MAP3K3: variants seen among roughly 807,000 people sequenced by gnomAD.
MAP3K3 encodes MAP/ERK kinase kinase 3.
In MAP3K3, 12 loss-of-function variants were observed where a neutral mutation model predicts 80.9. That is an observed-to-expected ratio of 0.15 (90% CI 0.10 to 0.24). The LOEUF (loss-of-function observed/expected upper bound fraction) is 0.24. MAP3K3 is among the 10% of genes least tolerant of loss of function. MAP3K3 has a pLI of 1.00. For synonymous variants in MAP3K3, 272 were observed against 307.1 expected, an observed-to-expected ratio of 0.89 and a Z score of 1.19; for missense variants, 596 against 834.7, an observed-to-expected ratio of 0.71 and a Z score of 3.52.
chr17:63,644,880 C>A (rs548173754), intron 2 of MAP3K3, among the ~76,000 whole-genome samples: 3 of 152,212 alleles, frequency 2.0e-5, no homozygotes, highest in African/African-American at 7.2e-5. Flanking sequence ...TGACTTCATT[C>A]TCTCCTTTAT....
intron 6 of MAP3K3, among the ~76,000 whole-genome samples, chr17:63,678,320 C>G (rs2035261374): frequency 6.6e-6 from 1 of 152,188 alleles, no homozygotes; most frequent in African/African-American, 2.4e-5. Context: ...TAAATTTACA[C>G]TCAGAGTAAC....
At chr17:63,678,796 G>A (rs2035272051) in intron 6 of MAP3K3, among the ~76,000 whole-genome samples, 1 of 151,400 alleles carries the variant, frequency 6.6e-6, no homozygotes, top group Admixed American at 6.6e-5. Flanking sequence ...TTGGGAGGCT[G>A]AGACAGGCAG....
intron 5 of MAP3K3, among the ~76,000 whole-genome samples, chr17:63,662,577 GA>G (rs1213760742): frequency 6.6e-6 from 1 of 151,880 alleles, no homozygotes; most frequent in Non-Finnish European, 1.5e-5. Context: ...AGTGTGTAGT[GA>G]CAGAGCTGGT....
intron 5 of MAP3K3, among the ~76,000 whole-genome samples, chr17:63,664,519 C>T (rs894928853): frequency 6.6e-6 from 1 of 152,128 alleles, no homozygotes; most frequent in African/African-American, 2.4e-5. Flanking sequence ...ATCCACTTGC[C>T]AGATTTTTTA....
intron 5 of MAP3K3, among the ~76,000 whole-genome samples, chr17:63,665,911 C>A (rs1016276538): frequency 6.6e-6 from 1 of 152,114 alleles, no homozygotes; most frequent in Admixed American, 6.6e-5. Flanking sequence ...TTGTTTAGAT[C>A]GGACTTTTTT....
At chr17:63,688,498 A>G (rs376817593) in intron 8 of MAP3K3, 29 bp from the exon 9 acceptor site, 2 of 1,582,536 alleles carry the variant, frequency 1.3e-6, no homozygotes, top group African/African-American at 2.7e-5. Flanking sequence ...AGTGTGCGGG[A>G]GTCTGTTTTT....
rs2143614018 is a variant in MAP3K3, at chr17:63,688,962, A to C, written c.871+81A>C. The C allele has an allele frequency of 3.1e-6, 3 of 980,128 alleles. No homozygotes were observed. The East Asian group carries it at 7.2e-5, about 23-fold the overall frequency. The allele number at this position is 980,128 out of a possible 1,614,324, so 60.7% of individuals were successfully genotyped here. A position where few individuals can be genotyped will look rare whatever the true frequency, so the allele number is the denominator to read the frequency against. On this transcript the variant is annotated intron_variant, in intron 10 of 15. Coordinates refer to ENST00000361733, the MANE Select transcript of MAP3K3 (RefSeq NM_002401.5). ...ATGGGGAGGGTGGGTTCGTCCATGC[A>C]GTGCCTGTATTTTCCTTCATTCCTG... is the stretch of plus-strand genomic sequence containing the variant.
In MAP3K3 at chr17:63,692,159, G is replaced by C; in HGVS notation, c.1475-83G>C. On this transcript the variant is annotated intron_variant, in intron 14 of 15. Transcript: ENST00000361733. This position sits in a 1 kb window ranked among gnomAD's most constrained non-coding sequence, Gnocchi z 4.5. ...AGTGGTAGCCCTGCCCTCTCCAGCA[G>C]CTCTCAGTGACCCGGGGGTGGGGAG... is the stretch of plus-strand genomic sequence containing the variant. The C allele has an allele frequency of 6.6e-7, 1 of 1,507,560 alleles. No homozygotes were observed. The highest frequency in any genetic ancestry group is 1.1e-5 in the South Asian group (1 of 88,220). The allele number at this position is 1,507,560 out of a possible 1,614,324, so 93.4% of individuals were successfully genotyped here. A position where few individuals can be genotyped will look rare whatever the true frequency, so the allele number is the denominator to read the frequency against.
chr17:63,641,397 C>T lies in MAP3K3; in HGVS notation c.127-4637C>T, dbSNP rs1447208922. Among the ~76,000 whole-genome samples the T allele has an allele frequency of 3.9e-5, 6 of 152,008 alleles. 1 individual carries two copies. In the East Asian group the frequency reaches 9.6e-4, roughly 24 times the overall value. On this transcript the variant is annotated intron_variant, in intron 2 of 15. Coordinates refer to ENST00000361733, the MANE Select transcript of MAP3K3 (RefSeq NM_002401.5). ...AGCTGGGATTACAGGTGCCCGCCAC[C>T]ACACCCGGCTAATTTTTGTATGTTT...
chr17:63,637,623 C>T (rs1244207177), intron 2 of MAP3K3, among the ~76,000 whole-genome samples: 4 of 152,164 alleles, frequency 2.6e-5, no homozygotes. Flanking sequence ...GGGAAAGCTT[C>T]TAACTACAAC....
chr17:63,624,472 A>G (rs933828432), intron 1 of MAP3K3, among the ~76,000 whole-genome samples: 13 of 152,198 alleles, frequency 8.5e-5, no homozygotes, highest in African/African-American at 3.1e-4. Context: ...ATGAAAATAG[A>G]TATGAACCTG....
intron 6 of MAP3K3, among the ~76,000 whole-genome samples, chr17:63,679,232 G>C (rs993406292): frequency 2.6e-5 from 4 of 152,010 alleles, no homozygotes; most frequent in African/African-American, 4.8e-5. Flanking sequence ...CACACACACA[G>C]AGCAAGCCTC....
At chr17:63,671,614 A>G (rs566690562) in intron 6 of MAP3K3, among the ~76,000 whole-genome samples, 5 of 152,272 alleles carry the variant, frequency 3.3e-5, no homozygotes, top group East Asian at 1.9e-4. Flanking sequence ...CAAGGGTACA[A>G]TGGAGGTTTC....
chr17:63,636,776 AGGCAGCCC>A, intron 2 of MAP3K3: 1 of 324,700 alleles, frequency 3.1e-6, no homozygotes, highest in Non-Finnish European at 6.1e-6. Flanking sequence ...GAAGACAAGG[AGGCAGCCC>A]GGCTGTGGGA....
chr17:63,642,540 C>T (rs1039162737), intron 2 of MAP3K3, among the ~76,000 whole-genome samples: 1 of 152,032 alleles, frequency 6.6e-6, no homozygotes, highest in Non-Finnish European at 1.5e-5. Flanking sequence ...TGCCTGTAAT[C>T]CCAGCTACTT....
At chr17:63,624,846 C>T (rs1044210048) in intron 1 of MAP3K3, among the ~76,000 whole-genome samples, 9 of 152,214 alleles carry the variant, frequency 5.9e-5, no homozygotes, top group Admixed American at 1.3e-4. Context: ...TTGAATTCTT[C>T]TTGACACCTG....
rs777009629 is a variant in MAP3K3, at chr17:63,690,290, C to T, written c.1090C>T (p.Arg364Trp). 15 of 1,613,942 alleles carry T rather than the reference C, an allele frequency of 9.3e-6. No homozygotes were observed. The highest frequency in any genetic ancestry group is 1.2e-5 in the Non-Finnish European group (14 of 1,180,000). Reference sequence around the variant, plus strand: ...TCCCAGTGCCCCCATCAACTGGCGCCGGGGAAAGCTCCTGGGCCAGGGTGC... The same window carrying T: ...TCCCAGTGCCCCCATCAACTGGCGCTGGGGAAAGCTCCTGGGCCAGGGTGC... Reference protein sequence around the residue: ...KSPSAPINWRRGKLLGQGAFG... With the variant: ...KSPSAPINWRWGKLLGQGAFG... Residue 364 changes from arginine (R) to tryptophan (W), a missense_variant, in exon 12 of 16, where the codon CGG (arginine) becomes TGG (tryptophan). Physicochemically the swap from Arg to Trp is moderately radical, Grantham distance 101. Transcript: ENST00000361733.
At chr17:63,644,022 T>C (rs1046365514) in intron 2 of MAP3K3, among the ~76,000 whole-genome samples, 1 of 152,222 alleles carries the variant, frequency 6.6e-6, no homozygotes, top group African/African-American at 2.4e-5. Flanking sequence ...TTAATCTTAT[T>C]GTAACTCAGT....
rs577439328 is a variant in MAP3K3, at chr17:63,669,014, C to T, written c.502+1954C>T. Among the ~76,000 whole-genome samples, 7 of 152,290 alleles carry T rather than the reference C, an allele frequency of 4.6e-5. No homozygotes were observed. The South Asian group carries it at 1.5e-3, about 32-fold the overall frequency. On this transcript the variant is annotated intron_variant, in intron 6 of 15. Coordinates refer to ENST00000361733, the MANE Select transcript of MAP3K3 (RefSeq NM_002401.5). Reference sequence around the variant, plus strand: ...GATATCTCAGGCATAGTAAGGAGCACCTGCCAGGCATGATCACAAAAGAAC... The same window carrying T: ...GATATCTCAGGCATAGTAAGGAGCATCTGCCAGGCATGATCACAAAAGAAC...
Sources: gnomAD v4.1 joint callset for allele counts (sites outside exome capture counted in the v4.1 genomes callset) on GRCh38, gnomAD v4.1.1 for gene constraint, Gnocchi (gnomAD v3.1) non-coding constraint, MANE v1.5 for transcripts, NCBI Gene and HGNC (gene_info 2026-07-23, HGNC 2026-07-21) for gene names.